Variants in PIP4K2A observed in about 807,000 individuals in gnomAD.
The protein encoded by PIP4K2A is phosphatidylinositol-5-phosphate 4-kinase type 2 alpha.
PIP4K2A carries 14 observed loss-of-function variants against 42.9 expected under a neutral mutation model. The observed-to-expected ratio is 0.33, with a 90% CI of 0.22 to 0.51. The LOEUF is 0.51. Ranked by LOEUF, PIP4K2A falls within the 20% of genes least tolerant of loss-of-function variation. The pLI is 0.97. For synonymous variants in PIP4K2A, 192 were observed against 192.2 expected (o/e 1.00, Z 0.01); for missense variants, 434 against 519.8 (o/e 0.83, Z 1.61).
At chr10:22,645,335 C>A (rs1196036082) in intron 1 of PIP4K2A, among the ~76,000 whole-genome samples, 3 of 151,980 alleles carry the variant, frequency 2.0e-5, no homozygotes, top group African/African-American at 7.2e-5. Flanking sequence ...TACCTGAGCC[C>A]AGGAGTTTCA....
intron 6 of PIP4K2A, among the ~76,000 whole-genome samples, chr10:22,565,438 A>G (rs1167340728): frequency 1.3e-5 from 2 of 152,174 alleles, no homozygotes; most frequent in African/African-American, 4.8e-5. Context: ...ATCTCTCAAC[A>G]TAAATTGTAA....
chr10:22,582,272 G>A (rs764004071), intron 4 of PIP4K2A, among the ~76,000 whole-genome samples: 6 of 151,688 alleles, frequency 4.0e-5, no homozygotes, highest in Admixed American at 2.6e-4. Context: ...AACATAAAAC[G>A]TAACAGCCAC....
At chr10:22,631,297 C>T (rs1838540813) in intron 1 of PIP4K2A, among the ~76,000 whole-genome samples, 2 of 152,094 alleles carry the variant, frequency 1.3e-5, no homozygotes, top group African/African-American at 4.8e-5. Context: ...GGAGATGGGG[C>T]CCTTAGGAGG....
chr10:22,690,074 T>C (rs1839833621), intron 1 of PIP4K2A, among the ~76,000 whole-genome samples: 2 of 152,196 alleles, frequency 1.3e-5, no homozygotes, highest in Non-Finnish European at 2.9e-5. Flanking sequence ...CTTGACTTTA[T>C]TCACACTACA....
At position 22,553,336 on chromosome 10, in the gene PIP4K2A, C is replaced by T. The variant is rs12260444; in HGVS notation, c.679-2564G>A. ...GCACGAAGGTTTTGGGGTCATGAAT[C>T]CTGAGGTTGCAATCCTGGTTCCACC... is the stretch of plus-strand genomic sequence containing the variant. On this transcript the variant is annotated intron_variant, in intron 6 of 9. Transcript: ENST00000376573. 5.7e-3 allele frequency among the ~76,000 whole-genome samples: 873 copies of T among 152,274 alleles called. 6 individuals carry two copies. Among genetic ancestry groups the T allele is most frequent in the African/African-American group, 0.02 (824 of 41,550 alleles).
rs575839482 is a variant in PIP4K2A at position 22,701,597 on chromosome 10, C to CT, written c.144+12585dup. On this transcript the variant is annotated intron_variant, in intron 1 of 9. Transcript: ENST00000376573. ...CTGCAGAAGTGCCACCATGCTTTGG[C>CT]TTCTCACTGTCTCACTTACTGTTGG... Among the ~76,000 whole-genome samples, 520 of 152,346 alleles carry CT rather than the reference C, an allele frequency of 3.4e-3. 4 individuals are homozygous for CT. The highest frequency in any genetic ancestry group is 0.012 in the African/African-American group (491 of 41,588).
chr10:22,541,731 G>T, intron 8 of PIP4K2A, 73 bp downstream of exon 8: 4 of 1,479,562 alleles, frequency 2.7e-6, no homozygotes, highest in Non-Finnish European at 3.6e-6. Flanking sequence ...CTGGGGTAGT[G>T]CTTACTGGTA....
At chr10:22,669,873 G>A (rs776350653) in intron 1 of PIP4K2A, among the ~76,000 whole-genome samples, 2 of 152,170 alleles carry the variant, frequency 1.3e-5, no homozygotes, top group African/African-American at 2.4e-5. Flanking sequence ...ACTATGACCT[G>A]TTAGTTCACA....
At chr10:22,576,472 C>A (rs906508491) in intron 4 of PIP4K2A, among the ~76,000 whole-genome samples, 3 of 152,130 alleles carry the variant, frequency 2.0e-5, no homozygotes. Flanking sequence ...AGCCCTGAAC[C>A]AGGGAGACTG....
intron 3 of PIP4K2A, among the ~76,000 whole-genome samples, chr10:22,601,337 G>C (rs1837770487): frequency 6.6e-6 from 1 of 152,030 alleles, no homozygotes; most frequent in African/African-American, 2.4e-5. Flanking sequence ...GGTCCCAGGT[G>C]GGGGCAGGTG....
At chr10:22,684,861 C>T (rs1476423098) in intron 1 of PIP4K2A, among the ~76,000 whole-genome samples, 1 of 152,224 alleles carries the variant, frequency 6.6e-6, no homozygotes, top group East Asian at 1.9e-4. Context: ...CCTTATAGCA[C>T]TGCTTATGGA....
chr10:22,581,283 G>A (rs936324143), intron 4 of PIP4K2A, among the ~76,000 whole-genome samples: 4 of 92,084 alleles, frequency 4.3e-5, no homozygotes, highest in African/African-American at 1.2e-4. Flanking sequence ...ACCTGGAGCG[G>A]AGGCTTGACA....
At chr10:22,567,991 G>T in intron 5 of PIP4K2A, 102 bp from the exon 6 acceptor site, 1 of 1,025,118 alleles carries the variant, frequency 9.8e-7, no homozygotes, top group Non-Finnish European at 1.5e-6. Flanking sequence ...AGCCAGCTCA[G>T]CACCCACTCT....
At chr10:22,541,605 G>C (rs1435750301) in intron 8 of PIP4K2A, among the ~76,000 whole-genome samples, 199 bp downstream of exon 8, 1 of 151,972 alleles carries the variant, frequency 6.6e-6, no homozygotes, top group African/African-American at 2.4e-5. Flanking sequence ...GAATTCAAAG[G>C]TCCGATCGCC....
intron 1 of PIP4K2A, among the ~76,000 whole-genome samples, chr10:22,677,612 C>A (rs1839583800): frequency 6.6e-6 from 1 of 152,144 alleles, no homozygotes; most frequent in Non-Finnish European, 1.5e-5. Context: ...TGGGTTCATG[C>A]GTATTCCCTC....
chr10:22,695,754 T>A (rs1171667254), intron 1 of PIP4K2A, among the ~76,000 whole-genome samples: 1 of 152,178 alleles, frequency 6.6e-6, no homozygotes, highest in Admixed American at 6.5e-5. Flanking sequence ...CTCTATATCA[T>A]CTCTAGTCCA....
chr10:22,634,456 T>C (rs1347190188), intron 1 of PIP4K2A, among the ~76,000 whole-genome samples: 1 of 152,232 alleles, frequency 6.6e-6, no homozygotes, highest in Non-Finnish European at 1.5e-5. Flanking sequence ...CTGTATCCGT[T>C]TTGGCCGAGT....
Position 22,536,043 on chromosome 10 carries a change from C to G in PIP4K2A, c.*1158G>C, listed in dbSNP as rs1220867429. 2 of 398,266 alleles carry G rather than the reference C, an allele frequency of 5.0e-6. No homozygotes were observed. The highest frequency in any genetic ancestry group is 4.1e-5 in the African/African-American group (2 of 48,614). The allele number at this position is 398,266 out of a possible 1,614,324, so 24.7% of individuals were successfully genotyped here. A position where few individuals can be genotyped will look rare whatever the true frequency, so the allele number is the denominator to read the frequency against. The stretch of plus-strand genomic sequence containing the variant: ...GACTTTACATGTAAACTTCAAAAAT[C>G]ACATGCTGTACATCAAATTTTTAGA... On this transcript the variant is annotated 3_prime_UTR_variant, in exon 10 of 10. Transcript: ENST00000376573.
At chr10:22,610,365 C>T (rs1008484880) in intron 1 of PIP4K2A, among the ~76,000 whole-genome samples, 3 of 152,166 alleles carry the variant, frequency 2.0e-5, no homozygotes, top group Non-Finnish European at 4.4e-5. Flanking sequence ...GATCAAGTTC[C>T]AGTGAATGAA....
Sources: allele counts gnomAD v4.1 joint callset (sites outside exome capture counted in the v4.1 genomes callset), GRCh38; gene constraint gnomAD v4.1.1; transcripts MANE v1.5; gene names NCBI Gene and HGNC (gene_info 2026-07-23, HGNC 2026-07-21).